Variants in DPH7 observed in about 807,000 individuals in gnomAD.
The protein encoded by DPH7 is diphthamide biosynthesis 7.
A neutral mutation model predicts 41.7 loss-of-function variants in DPH7; 44 were observed. That is an observed-to-expected ratio of 1.05 (90% CI 0.83 to 1.36). The LOEUF (loss-of-function observed/expected upper bound fraction) is 1.36, where lower values mean the gene tolerates loss of function less well. Among genes scored for constraint, DPH7 ranks in the 40% most tolerant of loss-of-function variants. DPH7 has a pLI of 0.00. For synonymous variants in DPH7, 275 were observed against 238.0 expected, an observed-to-expected ratio of 1.16 and a Z score of -1.43; for missense variants, 629 against 577.5, an observed-to-expected ratio of 1.09 and a Z score of -0.91.
intron 2 of DPH7, among the ~76,000 whole-genome samples, chr9:137,576,958 G>A (rs1157808688): frequency 6.6e-6 from 1 of 151,678 alleles, no homozygotes; most frequent in Non-Finnish European, 1.5e-5. Context: ...GAGAGGCTGA[G>A]ACAGAGAATT....
intron 5 of DPH7, among the ~76,000 whole-genome samples, chr9:137,570,629 G>C (rs1436718203): frequency 6.6e-6 from 1 of 152,186 alleles, no homozygotes; most frequent in Non-Finnish European, 1.5e-5. Context: ...ATTTCATTCT[G>C]AGTAGGAAAC....
At chr9:137,570,994 A>T (rs906580168) in intron 5 of DPH7, among the ~76,000 whole-genome samples, 3 of 152,014 alleles carry the variant, frequency 2.0e-5, no homozygotes, top group African/African-American at 4.8e-5. Flanking sequence ...GAAAGCAGGG[A>T]CTTTTATGTG....
At chr9:137,568,626 T>G (rs1024574583) in intron 5 of DPH7, among the ~76,000 whole-genome samples, 1 of 151,572 alleles carries the variant, frequency 6.6e-6, no homozygotes, top group Admixed American at 6.6e-5. Flanking sequence ...GCTGGAGGAG[T>G]CTTAGGTTGC....
At chr9:137,570,662 C>T (rs921353213) in intron 5 of DPH7, among the ~76,000 whole-genome samples, 7 of 152,226 alleles carry the variant, frequency 4.6e-5, no homozygotes, top group African/African-American at 1.2e-4. Context: ...GGAGCCTGCA[C>T]GGCCCTGTGC....
intron 5 of DPH7, among the ~76,000 whole-genome samples, chr9:137,569,193 A>T (rs1839946976): frequency 1.3e-5 from 2 of 151,696 alleles, no homozygotes; most frequent in African/African-American, 4.8e-5. Context: ...GCCTAACCAC[A>T]TCACCCACCC....
intron 8 of DPH7, among the ~76,000 whole-genome samples, chr9:137,558,936 G>C (rs1001557213): frequency 6.6e-6 from 1 of 152,130 alleles, no homozygotes; most frequent in African/African-American, 2.4e-5. Flanking sequence ...GATTACAGGC[G>C]TGAGACACTG....
At chr9:137,555,729 C>T (rs1837395909) in intron 8 of DPH7, 81 bp from the exon 9 acceptor site, 1 of 1,452,218 alleles carries the variant, frequency 6.9e-7, no homozygotes, top group African/African-American at 1.4e-5. Flanking sequence ...GACAGGGAGA[C>T]TCCAAGAACA....
chr9:137,575,801 AG>A (rs1263060371), intron 3 of DPH7: 2 of 1,242,656 alleles, frequency 1.6e-6, no homozygotes, highest in African/African-American at 3.0e-5. Flanking sequence ...ATGCTTGCCC[AG>A]GCTCTCCTTA....
chr9:137,575,924 C>T (rs760771674), intron 3 of DPH7, 156 bp downstream of exon 3: 155 of 1,443,320 alleles, frequency 1.1e-4, no homozygotes, highest in Non-Finnish European at 1.4e-4. Context: ...CGCAATACAA[C>T]TTAAAAATAG....
chr9:137,576,346 A>G, intron 2 of DPH7, 179 bp from the exon 3 acceptor site: 1 of 596,984 alleles, frequency 1.7e-6, no homozygotes, highest in South Asian at 2.0e-5. Context: ...CCTATGCCAC[A>G]AACCTTACAG....
Position 137,555,316 on chromosome 9 carries a change from C to T in DPH7, c.1282G>A (p.Asp428Asn), listed in dbSNP as rs776207779. Residue 428 changes from aspartate (D) to asparagine (N), a missense_variant, in exon 9 of 9, where the codon GAC becomes AAC. Asp to Asn is a conservative substitution (Grantham distance 23, BLOSUM62 1). Transcript: ENST00000277540. ...GTGGCCAGGAGGCTGAAGGCTGAGT[C>T]TGCTTCTTCTGGGTTCACGCCACAG... ...RDCGVNPEEA[D>N]SAFSLLATCS... 19 of 1,614,058 alleles carry T rather than the reference C, an allele frequency of 1.2e-5. No individual in the cohort carries two copies. The highest frequency in any genetic ancestry group is 2.2e-5 in the South Asian group (2 of 91,078).
At position 137,578,787 on chromosome 9, in the gene DPH7, G is replaced by C; in HGVS notation, c.-10C>G. The C allele has an allele frequency of 6.9e-7, 1 of 1,459,376 alleles. No individual in the cohort carries two copies. The highest frequency in any genetic ancestry group is 1.9e-4 in the Middle Eastern group (1 of 5,132). 90.4% of individuals were successfully genotyped at this position (1,459,376 alleles called of 1,614,324 possible). A position where few individuals can be genotyped will look rare whatever the true frequency, so the allele number is the denominator to read the frequency against. On this transcript the variant is annotated 5_prime_UTR_variant, in exon 1 of 9. Coordinates refer to ENST00000277540, the MANE Select transcript of DPH7 (RefSeq NM_138778.5). ...CGAAACAGCCCATCATCCAGCCCTC[G>C]GGGAAGGGCGCGGAGCCGGCAGTAG...
At chr9:137,558,811 T>C (rs1323268871) in intron 8 of DPH7, among the ~76,000 whole-genome samples, 1 of 152,178 alleles carries the variant, frequency 6.6e-6, no homozygotes, top group Non-Finnish European at 1.5e-5. Context: ...CTCGGCTCAC[T>C]GCAACCTCCG....
intron 2 of DPH7, 33 bp downstream of exon 2, chr9:137,577,437 A>T: frequency 6.2e-7 from 1 of 1,606,664 alleles, no homozygotes; most frequent in Non-Finnish European, 8.5e-7. Flanking sequence ...CTCATGACAA[A>T]TTCTACACCC....
chr9:137,571,226 C>A (rs1028592002), intron 5 of DPH7, among the ~76,000 whole-genome samples: 71 of 151,964 alleles, frequency 4.7e-4, no homozygotes, highest in Non-Finnish European at 1.2e-4. Flanking sequence ...CTTGCTCTCT[C>A]GCCAGGCTGG....
intron 2 of DPH7, among the ~76,000 whole-genome samples, chr9:137,577,243 C>A (rs1841568300): frequency 6.6e-6 from 1 of 152,188 alleles, no homozygotes; most frequent in South Asian, 2.1e-4. Context: ...ACAAAAGACG[C>A]CCCAGGTTAT....
chr9:137,576,762 C>T (rs1044838271), intron 2 of DPH7, among the ~76,000 whole-genome samples: 11 of 152,098 alleles, frequency 7.2e-5, no homozygotes, highest in Admixed American at 3.9e-4. Context: ...TGGTGGCGGG[C>T]GCCTGTAGAC....
At chr9:137,558,527 C>T (rs899420840) in intron 8 of DPH7, among the ~76,000 whole-genome samples, 10 of 152,304 alleles carry the variant, frequency 6.6e-5, no homozygotes, top group African/African-American at 2.4e-4. Context: ...CATGCTCCAA[C>T]AGGGGTGAAC....
rs914373256 is a variant in DPH7, at chr9:137,556,372, C to A, written c.950-724G>T. On this transcript the variant is annotated intron_variant, in intron 8 of 8. Transcript: ENST00000277540. This position sits in a 1 kb window ranked among gnomAD's most constrained non-coding sequence, Gnocchi z 5.2. ...TTGCAGAGAGCAAGTGGAAGGTGAG[C>A]CAGGGGCTGCAAGGCTGGGTGGCCA... Among the ~76,000 whole-genome samples, 3 of 152,160 alleles carry A rather than the reference C, an allele frequency of 2.0e-5. No homozygotes were observed. The highest frequency in any genetic ancestry group is 7.2e-5 in the African/African-American group (3 of 41,450).
Sources: gnomAD v4.1 joint callset for allele counts (sites outside exome capture counted in the v4.1 genomes callset) on GRCh38, gnomAD v4.1.1 for gene constraint, Gnocchi (gnomAD v3.1) non-coding constraint, MANE v1.5 for transcripts, NCBI Gene and HGNC (gene_info 2026-07-23, HGNC 2026-07-21) for gene names.